Variants in RMST observed in about 807,000 individuals in gnomAD.
The protein encoded by RMST is rhabdomyosarcoma 2 associated transcript.
chr12:97,464,232 C>G (rs1342480842), intron 4 of RMST, among the ~76,000 whole-genome samples: 2 of 152,094 alleles, frequency 1.3e-5, no homozygotes, highest in African/African-American at 2.4e-5. Flanking sequence ...AAAAGGGAGT[C>G]TATTGGGATG....
chr12:97,504,781 G>C (rs1193765201), intron 10 of RMST, among the ~76,000 whole-genome samples: 1 of 152,098 alleles, frequency 6.6e-6, no homozygotes, highest in African/African-American at 2.4e-5. Flanking sequence ...AATGCATATG[G>C]TTTCAGACTT....
intron 11 of RMST, among the ~76,000 whole-genome samples, chr12:97,549,143 G>A (rs1388420604): frequency 2.0e-5 from 3 of 152,146 alleles, no homozygotes; most frequent in Non-Finnish European, 4.4e-5. Flanking sequence ...CACATCATTA[G>A]CATTCAAACG....
At chr12:97,480,367 G>A (rs1456442264) in intron 5 of RMST, among the ~76,000 whole-genome samples, 1 of 152,138 alleles carries the variant, frequency 6.6e-6, no homozygotes, top group Non-Finnish European at 1.5e-5. Flanking sequence ...TGGGATTAGG[G>A]AACTGCTAAT....
At chr12:97,466,571 G>A (rs1211277843) in intron 5 of RMST, among the ~76,000 whole-genome samples, 1 of 152,124 alleles carries the variant, frequency 6.6e-6, no homozygotes, top group Non-Finnish European at 1.5e-5. Flanking sequence ...ATGGTGGATA[G>A]TGCTCAATTT....
intron 11 of RMST, among the ~76,000 whole-genome samples, chr12:97,545,422 A>G (rs1033117466): frequency 6.6e-6 from 1 of 152,100 alleles, no homozygotes; most frequent in Non-Finnish European, 1.5e-5. Context: ...AATGATAAAT[A>G]AGAGATTTGT....
chr12:97,480,122 G>A (rs1245084081), intron 5 of RMST, among the ~76,000 whole-genome samples: 1 of 129,348 alleles, frequency 7.7e-6, no homozygotes, highest in East Asian at 2.1e-4. Flanking sequence ...ACAGAGTTTC[G>A]CTCTGTCACC....
At chr12:97,547,605 T>A (rs1343063248) in intron 11 of RMST, among the ~76,000 whole-genome samples, 2 of 152,118 alleles carry the variant, frequency 1.3e-5, no homozygotes, top group Non-Finnish European at 2.9e-5. Context: ...TGAGGTGATA[T>A]CTGATTATAG....
At chr12:97,560,257 G>T (rs751847784) in intron 11 of RMST, among the ~76,000 whole-genome samples, 1 of 152,126 alleles carries the variant, frequency 6.6e-6, no homozygotes, top group East Asian at 1.9e-4. Flanking sequence ...GACTTTCCTT[G>T]TTCATTCCAG....
intron 10 of RMST, among the ~76,000 whole-genome samples, chr12:97,503,669 T>C (rs748768670): frequency 3.3e-5 from 5 of 152,152 alleles, no homozygotes; most frequent in Non-Finnish European, 7.3e-5. Flanking sequence ...CACCCAAACT[T>C]GGAGTCATTA....
At chr12:97,473,396 CTTGGTGGA>C (rs1304628326) in intron 5 of RMST, among the ~76,000 whole-genome samples, 1 of 152,010 alleles carries the variant, frequency 6.6e-6, no homozygotes, top group Non-Finnish European at 1.5e-5. Flanking sequence ...AGGCTGGGGG[CTTGGTGGA>C]TTTATTGGTG....
intron 10 of RMST, among the ~76,000 whole-genome samples, chr12:97,523,959 C>T (rs777437763): frequency 1.3e-5 from 2 of 150,852 alleles, no homozygotes; most frequent in Non-Finnish European, 1.5e-5. Context: ...GCCTGTAGTC[C>T]CAGCTACTTG....
At chr12:97,529,617 T>C (rs1881451034) in intron 10 of RMST, among the ~76,000 whole-genome samples, 1 of 152,084 alleles carries the variant, frequency 6.6e-6, no homozygotes, top group South Asian at 2.1e-4. Context: ...TACTCAGACA[T>C]TTTCGTGGTA....
chr12:97,538,953 C>T (rs984483040), intron 11 of RMST, among the ~76,000 whole-genome samples: 5 of 151,316 alleles, frequency 3.3e-5, no homozygotes, highest in East Asian at 1.9e-4. Context: ...CCAGGAAAAC[C>T]GGAGGGGCTG....
At chr12:97,467,469 A>G (rs1379484181) in intron 5 of RMST, among the ~76,000 whole-genome samples, 1 of 152,012 alleles carries the variant, frequency 6.6e-6, no homozygotes, top group South Asian at 2.1e-4. Context: ...TTTTTATACA[A>G]TTTAACTTGA....
chr12:97,525,584 C>T (rs1297254462), intron 10 of RMST, among the ~76,000 whole-genome samples: 1 of 152,130 alleles, frequency 6.6e-6, no homozygotes, highest in African/African-American at 2.4e-5. Context: ...GTCCCCAGAC[C>T]CAAGTTTCCC....
At chr12:97,515,330 C>T (rs1037629192) in intron 10 of RMST, among the ~76,000 whole-genome samples, 1 of 152,026 alleles carries the variant, frequency 6.6e-6, no homozygotes, top group African/African-American at 2.4e-5. Context: ...AACAAAAAAT[C>T]TGCACATCTA....
intron 5 of RMST, among the ~76,000 whole-genome samples, chr12:97,489,442 G>C (rs1012926228): frequency 6.7e-6 from 1 of 149,314 alleles, no homozygotes; most frequent in Non-Finnish European, 1.5e-5. Context: ...GAGAGTCCCT[G>C]TCTCAAGAAA....
At chr12:97,512,534 C>T (rs1879477112) in intron 10 of RMST, among the ~76,000 whole-genome samples, 1 of 152,226 alleles carries the variant, frequency 6.6e-6, no homozygotes, top group Admixed American at 6.5e-5. Context: ...TCCACGTCCC[C>T]ACCAGATTAG....
chr12:97,558,508 C>T (rs759073746), intron 11 of RMST, among the ~76,000 whole-genome samples: 1 of 152,150 alleles, frequency 6.6e-6, no homozygotes, highest in Non-Finnish European at 1.5e-5. Flanking sequence ...GTGAGTAACT[C>T]AGTAAAACCT....
Sources: gnomAD v4.1 joint callset for allele counts (sites outside exome capture counted in the v4.1 genomes callset) on GRCh38, gnomAD v4.1.1 for gene constraint, MANE v1.5 for transcripts, NCBI Gene and HGNC (gene_info 2026-07-23, HGNC 2026-07-21) for gene names.